EYS: variants seen among roughly 807,000 people sequenced by gnomAD.
EYS encodes the protein EGF-like photoreceptor maintenance factor.
In EYS, 250 loss-of-function variants were observed where a neutral mutation model predicts 282.1. The observed-to-expected ratio is 0.89, with a 90% CI of 0.80 to 0.98. The LOEUF (loss-of-function observed/expected upper bound fraction) is 0.98, where lower values mean the gene tolerates loss of function less well. EYS is among the 50% of genes least tolerant of loss of function. The probability of loss-of-function intolerance (pLI) is 0.00; values close to 1 mark genes in which losing one functional copy is unlikely to be tolerated. For synonymous variants in EYS, 1,355 were observed against 1,282.9 expected (o/e 1.06, Z -1.20); for missense variants, 4,016 against 3,709.0 (o/e 1.08, Z -2.15).
intron 26 of EYS, among the ~76,000 whole-genome samples, chr6:64,468,003 G>A (rs1157266205): frequency 6.6e-6 from 1 of 151,922 alleles, no homozygotes; most frequent in Non-Finnish European, 1.5e-5. Flanking sequence ...GGGGTCAAGG[G>A]ACTAATTCAT....
At chr6:64,369,565 T>C (rs1772285197) in intron 29 of EYS, among the ~76,000 whole-genome samples, 1 of 152,178 alleles carries the variant, frequency 6.6e-6, no homozygotes, top group African/African-American at 2.4e-5. Context: ...TTCATTTGTT[T>C]CTGTCATCCT....
At chr6:64,863,401 A>G (rs142734908) in intron 19 of EYS, among the ~76,000 whole-genome samples, 221 of 152,316 alleles carry the variant, frequency 1.5e-3, no homozygotes, top group African/African-American at 4.9e-3. Context: ...TCAAATGTCT[A>G]TATTCTCTGA....
intron 33 of EYS, among the ~76,000 whole-genome samples, chr6:64,024,535 T>C (rs969320697): frequency 1.3e-5 from 2 of 152,216 alleles, no homozygotes; most frequent in Admixed American, 1.3e-4. Context: ...AGTGGCAACC[T>C]GTTTGGGTCC....
intron 11 of EYS, among the ~76,000 whole-genome samples, chr6:65,316,685 T>C (rs1769303959): frequency 6.6e-6 from 1 of 151,970 alleles, no homozygotes; most frequent in South Asian, 2.1e-4. Flanking sequence ...TTGTGTCATG[T>C]GTTCTCATTG....
At chr6:63,782,823 G>A in intron 39 of EYS, among the ~76,000 whole-genome samples, 1 of 151,974 alleles carries the variant, frequency 6.6e-6, no homozygotes, top group Non-Finnish European at 1.5e-5. Context: ...TGCTTCTCTA[G>A]TTCTTTTAAT....
intron 14 of EYS, among the ~76,000 whole-genome samples, chr6:64,953,621 C>T (rs971274090): frequency 6.6e-6 from 1 of 151,606 alleles, no homozygotes; most frequent in African/African-American, 2.4e-5. Context: ...TTTCTTTCAG[C>T]AAGAGAAAAT....
intron 7 of EYS, among the ~76,000 whole-genome samples, chr6:65,399,019 C>T (rs2150361636): frequency 6.6e-6 from 1 of 152,130 alleles, no homozygotes; most frequent in Non-Finnish European, 1.5e-5. Context: ...AGATCTGATC[C>T]TTAATTACCA....
Position 63,778,094 on chromosome 6 carries a change from G to A in EYS, c.7810C>T (p.Arg2604Cys), listed in dbSNP as rs1015857165. Reference sequence around the variant, plus strand: ...GAAGCATGACACTGGCCAACACTGCGTCCAGCATTTGGGTGGCCCTCAGGA... The same window carrying A: ...GAAGCATGACACTGGCCAACACTGCATCCAGCATTTGGGTGGCCCTCAGGA... ...GNPEGHPNAG[R>C]SVGQCHASPC... Residue 2604 changes from arginine (R) to cysteine (C), a missense_variant, in exon 40 of 43, where the codon CGC (arginine) becomes TGC (cysteine). Physicochemically the swap from Arg to Cys is radical, Grantham distance 180 (BLOSUM62 -3). Transcript: ENST00000503581. The A allele has an allele frequency of 4.4e-5, 69 of 1,551,596 alleles. No individual in the cohort carries two copies. The highest frequency in any genetic ancestry group is 1.1e-4 in the African/African-American group (8 of 73,046).
chr6:64,694,589 G>A, intron 22 of EYS, among the ~76,000 whole-genome samples: 1 of 152,112 alleles, frequency 6.6e-6, no homozygotes, highest in Non-Finnish European at 1.5e-5. Flanking sequence ...TTAATTCATA[G>A]GTGACTGCAC....
intron 33 of EYS, among the ~76,000 whole-genome samples, chr6:64,024,839 A>G (rs747319966): frequency 6.6e-6 from 1 of 152,104 alleles, no homozygotes; most frequent in Non-Finnish European, 1.5e-5. Context: ...ATCAGAAGGA[A>G]CAAACTCCCG....
intron 31 of EYS, among the ~76,000 whole-genome samples, chr6:64,139,967 C>CAATAAATAAATA (rs68103337): frequency 1.7e-4 from 25 of 143,670 alleles, no homozygotes; most frequent in South Asian, 2.3e-4. Flanking sequence ...GATTCTGTCT[C>CAATAAATAAATA]AATAAATAAA....
chr6:64,877,887 A>G (rs1283438660), intron 19 of EYS, among the ~76,000 whole-genome samples: 1 of 152,204 alleles, frequency 6.6e-6, no homozygotes, highest in Non-Finnish European at 1.5e-5. Context: ...GTGATATAGT[A>G]TGGAGAGAAT....
At chr6:64,808,776 T>C (rs1008890125) in intron 22 of EYS, among the ~76,000 whole-genome samples, 20 of 152,130 alleles carry the variant, frequency 1.3e-4, no homozygotes, top group African/African-American at 4.1e-4. Flanking sequence ...TTTAAATGAA[T>C]ACTAGCTATC....
chr6:64,817,204 T>TC (rs1485550767), intron 21 of EYS, among the ~76,000 whole-genome samples: 1 of 152,092 alleles, frequency 6.6e-6, no homozygotes, highest in Non-Finnish European at 1.5e-5. Context: ...TTCTGATGGT[T>TC]CAATCATTTA....
chr6:65,421,362 A>G (rs573587087), intron 5 of EYS, among the ~76,000 whole-genome samples: 2 of 151,194 alleles, frequency 1.3e-5, no homozygotes, highest in East Asian at 1.9e-4. Context: ...TACCTTCCTC[A>G]CCTCTCTCAG....
At chr6:64,977,016 C>G (rs934032056) in intron 14 of EYS, among the ~76,000 whole-genome samples, 1 of 151,868 alleles carries the variant, frequency 6.6e-6, no homozygotes, top group African/African-American at 2.4e-5. Context: ...TCTCAGCCTC[C>G]CTAGTAGCTG....
At chr6:64,588,055 A>G (rs1367696795) in intron 26 of EYS, among the ~76,000 whole-genome samples, 1 of 152,100 alleles carries the variant, frequency 6.6e-6, no homozygotes, top group South Asian at 2.1e-4. Context: ...ACTAGATGGT[A>G]TTTGTCAGTT....
intron 26 of EYS, among the ~76,000 whole-genome samples, chr6:64,520,431 A>G (rs4582360): frequency 2.6e-4 from 40 of 151,922 alleles, no homozygotes; most frequent in Admixed American, 1.2e-3. Flanking sequence ...CAAAAATAAA[A>G]TAATCCAGCC....
intron 2 of EYS, among the ~76,000 whole-genome samples, chr6:65,578,364 A>G (rs1038235879): frequency 1.3e-5 from 2 of 151,822 alleles, no homozygotes; most frequent in African/African-American, 4.8e-5. Context: ...CTTACATGTG[A>G]AAACTAAAAA....
Sources: allele counts gnomAD v4.1 joint callset (sites outside exome capture counted in the v4.1 genomes callset), GRCh38; gene constraint gnomAD v4.1.1; transcripts MANE v1.5; gene names NCBI Gene and HGNC (gene_info 2026-07-23, HGNC 2026-07-21).